The following DCLRE1A variants were observed in gnomAD, a reference collection of about 807,000 sequenced individuals.
The protein encoded by DCLRE1A is DNA cross-link repair 1A protein.
DCLRE1A carries 64 observed loss-of-function variants against 91.9 expected under a neutral mutation model. The observed-to-expected ratio is 0.70, with a 90% confidence interval of 0.57 to 0.86. The LOEUF (loss-of-function observed/expected upper bound fraction) is 0.86, where lower values mean the gene tolerates loss of function less well. Ranked by LOEUF, DCLRE1A falls within the 40% of genes least tolerant of loss-of-function variation. The pLI, the probability that DCLRE1A is intolerant of heterozygous loss-of-function variation, is 0.00. For missense variants in DCLRE1A, 1,145 were observed against 1,213.3 expected (o/e 0.94, Z 0.84); for synonymous variants, 416 against 431.1 (o/e 0.96, Z 0.43).
rs1259137622 is a variant in DCLRE1A, at chr10:113,834,968, T to G, written c.*184A>C. 1.7e-6 allele frequency: 1 copy of G among 586,808 alleles called. No homozygotes were observed. The highest frequency in any genetic ancestry group is 2.8e-6 in the Non-Finnish European group (1 of 355,192). 36.4% of individuals were successfully genotyped at this position (586,808 alleles called of 1,614,324 possible). Reference sequence around the variant, plus strand: ...CAGGGAGACCCAGTTTCAGTTATCCTTGATGATGCTGAGAGGCATTCAGCA... The same window carrying G: ...CAGGGAGACCCAGTTTCAGTTATCCGTGATGATGCTGAGAGGCATTCAGCA... On this transcript the variant is annotated 3_prime_UTR_variant, in exon 9 of 9. Coordinates refer to ENST00000361384, the MANE Select transcript of DCLRE1A (RefSeq NM_014881.5).
chr10:113,841,276 A>T (rs900757442), intron 7 of DCLRE1A, 130 bp downstream of exon 7: 4 of 1,061,562 alleles, frequency 3.8e-6, no homozygotes, highest in Non-Finnish European at 5.3e-6. Context: ...TTCCTCTTAA[A>T]AGATTGTCTA....
intron 8 of DCLRE1A, among the ~76,000 whole-genome samples, chr10:113,836,084 T>C (rs756938810): frequency 4.6e-5 from 7 of 152,164 alleles, no homozygotes; most frequent in African/African-American, 7.2e-5. Context: ...TTGCCTTCTG[T>C]CATGATTGTA....
At chr10:113,838,055 A>G (rs923428388) in intron 7 of DCLRE1A, among the ~76,000 whole-genome samples, 1 of 152,136 alleles carries the variant, frequency 6.6e-6, no homozygotes, top group East Asian at 1.9e-4. Flanking sequence ...ATCAAATAAG[A>G]GCCTTTTATT....
In DCLRE1A at chr10:113,845,727, C is replaced by T. The variant is rs779320731; in HGVS notation, c.2336G>A (p.Cys779Tyr). Residue 779 changes from cysteine to tyrosine, a missense_variant, in exon 4 of 9, where the codon TGT becomes TAT. Physicochemically the swap from Cys to Tyr is radical, Grantham distance 194. Transcript: ENST00000361384. Reference sequence around the variant, plus strand: ...AACAACTTTGACACCATTCACAATACATTCAGTGTCCAGTGGCAATGGGTG... The same window carrying T: ...AACAACTTTGACACCATTCACAATATATTCAGTGTCCAGTGGCAATGGGTG... ...YIHPLPLDTECIVNGVKVVLL... is the reference protein window; with the variant it reads ...YIHPLPLDTEYIVNGVKVVLL... The T allele has an allele frequency of 1.2e-6, 2 of 1,614,162 alleles. No homozygotes were observed. Among genetic ancestry groups the T allele is most frequent in the South Asian group, 2.2e-5 (2 of 91,086 alleles).
chr10:113,854,363 C>T (rs1420528574), upstream of DCLRE1A: 1 of 152,638 alleles, frequency 6.6e-6, no homozygotes, highest in Non-Finnish European at 1.5e-5. Flanking sequence ...CCTTTAGGGT[C>T]TTGGCGGGAA....
Position 113,849,524 on chromosome 10 carries a change from A to G in DCLRE1A, c.1581T>C (p.Ser527=). Residue 527 remains serine, a synonymous_variant, in exon 2 of 9, where the codon TCT becomes TCC. Transcript: ENST00000361384. The part of the protein sequence containing the change: ...KATILNTENL[S]STPAPKYLKI... ...TCAAATACTTCGGAGCAGGTGTACT[A>G]GACAAGTTTTCTGTATTTAAAATTG... The G allele has an allele frequency of 6.2e-7, 1 of 1,613,860 alleles. No individual in the cohort carries two copies. The highest frequency in any genetic ancestry group is 8.5e-7 in the Non-Finnish European group (1 of 1,180,008).
At chr10:113,836,773 C>T (rs1013458625) in intron 8 of DCLRE1A, among the ~76,000 whole-genome samples, 5 of 152,178 alleles carry the variant, frequency 3.3e-5, no homozygotes, top group Non-Finnish European at 7.3e-5. Context: ...TCTATACTTC[C>T]AGTATACAAC....
intron 8 of DCLRE1A, among the ~76,000 whole-genome samples, chr10:113,836,566 T>C (rs1275081703): frequency 6.6e-6 from 1 of 152,136 alleles, no homozygotes; most frequent in African/African-American, 2.4e-5. Context: ...ATTTTCAGTA[T>C]ACTAGGGTCT....
intron 1 of DCLRE1A, 63 bp from the exon 2 acceptor site, chr10:113,850,707 T>C: frequency 7.5e-7 from 1 of 1,333,678 alleles, no homozygotes. Context: ...TTGACAACAT[T>C]AGCAGTATAA....
chr10:113,852,016 T>C (rs1845657283), intron 1 of DCLRE1A, among the ~76,000 whole-genome samples: 1 of 152,166 alleles, frequency 6.6e-6, no homozygotes, highest in Non-Finnish European at 1.5e-5. Flanking sequence ...CCAGCCTATT[T>C]ATAATTTTCT....
chr10:113,846,518 T>G (rs1338123336), intron 3 of DCLRE1A, among the ~76,000 whole-genome samples: 1 of 152,184 alleles, frequency 6.6e-6, no homozygotes, highest in Non-Finnish European at 1.5e-5. Flanking sequence ...GTACTACTTC[T>G]ATTATGATAC....
chr10:113,841,460 G>T lies in DCLRE1A; in HGVS notation c.2766C>A (p.Thr922=), dbSNP rs370209719. 3 of 1,613,498 alleles carry T rather than the reference G, an allele frequency of 1.9e-6. No individual in the cohort carries two copies. Among genetic ancestry groups the T allele is most frequent in the Non-Finnish European group, 2.5e-6 (3 of 1,179,746 alleles). ...GGTGAACCAATGAACTGCACATGTCGGTAGTGATGAGTGAATTAATTTCTG... is the reference window on the plus strand; with the variant it reads ...GGTGAACCAATGAACTGCACATGTCTGTAGTGATGAGTGAATTAATTTCTG... ...NIPEINSLIT[T]DMCSSLVHLL... is the part of the protein sequence containing the mutation. Residue 922 remains threonine, a synonymous_variant, in exon 7 of 9, where the codon ACC becomes ACA. Coordinates refer to ENST00000361384, the MANE Select transcript of DCLRE1A (RefSeq NM_014881.5).
intron 6 of DCLRE1A, 25 bp from the exon 7 acceptor site, chr10:113,841,585 A>C: frequency 1.3e-6 from 2 of 1,581,020 alleles, no homozygotes; most frequent in South Asian, 2.4e-5. Flanking sequence ...AAAGATTAAA[A>C]ATAGTAAACT....
Position 113,849,547 on chromosome 10 carries a change from T to C in DCLRE1A, c.1558A>G (p.Ile520Val), listed in dbSNP as rs147445182. 8.1e-6 allele frequency: 13 copies of C among 1,613,790 alleles called. No homozygotes were observed. In the African/African-American group the frequency reaches 1.6e-4, roughly 20 times the overall value. ...LEGVPVGKAT[I>V]LNTENLSSTP... is the part of the protein sequence containing the mutation. ...CTAGACAAGTTTTCTGTATTTAAAATTGTAGCTTTACCAACTGGCACACCC... is the reference window on the plus strand; with the variant it reads ...CTAGACAAGTTTTCTGTATTTAAAACTGTAGCTTTACCAACTGGCACACCC... Residue 520 changes from isoleucine to valine, a missense_variant, in exon 2 of 9, where the codon ATT becomes GTT. Physicochemically the swap from Ile to Val is conservative, Grantham distance 29. Coordinates refer to ENST00000361384, the MANE Select transcript of DCLRE1A (RefSeq NM_014881.5).
rs776671421 is a variant in DCLRE1A, at chr10:113,850,661, G to GA, written c.461-18dup. On this transcript the variant is annotated splice_polypyrimidine_tract_variant and intron_variant, in intron 1 of 8. Transcript: ENST00000361384. ...CAGGACACTCTGAAATTTTAATAAA[G>GA]AAAAAATATTACACGATCAAAGCAT... 2 of 1,549,046 alleles carry GA rather than the reference G, an allele frequency of 1.3e-6. No homozygotes were observed. Among genetic ancestry groups the GA allele is most frequent in the Non-Finnish European group, 1.7e-6 (2 of 1,147,324 alleles).
In DCLRE1A at chr10:113,849,648, AT is replaced by A. The variant is rs1426689705; in HGVS notation, c.1456del (p.Ile486LeufsTer9). ...CAAGTTCTCACTTGATAATTTTCTAATTGTATTTTGGGTTGGTTGGGAAGAA... is the reference window on the plus strand; with the variant it reads ...CAAGTTCTCACTTGATAATTTTCTAATGTATTTTGGGTTGGTTGGGAAGAA... Reference protein sequence around the residue: ...YLSSQPTQNTIRKLSSENLNA... With the variant: ...YLSSQPTQNTXRKLSSENLNA... On this transcript the variant is annotated frameshift_variant, in exon 2 of 9. Coordinates refer to ENST00000361384, the MANE Select transcript of DCLRE1A (RefSeq NM_014881.5). LOFTEE classifies it high-confidence loss of function. 6.2e-7 allele frequency: 1 copy of A among 1,614,068 alleles called. No individual in the cohort carries two copies.
rs1845340203 is a variant in DCLRE1A, at chr10:113,834,922, G to A, written c.*230C>T. The A allele has an allele frequency of 2.5e-6, 1 of 398,784 alleles. No homozygotes were observed. The highest frequency in any genetic ancestry group is 5.2e-5 in the South Asian group (1 of 19,076). 24.7% of individuals were successfully genotyped at this position (398,784 alleles called of 1,614,324 possible). ...GAATATAACTGCCCATGGAGGGCAGGGGACAAGAAATTAAGGGTCCCAGGG... is the reference window on the plus strand; with the variant it reads ...GAATATAACTGCCCATGGAGGGCAGAGGACAAGAAATTAAGGGTCCCAGGG... On this transcript the variant is annotated 3_prime_UTR_variant, in exon 9 of 9. Coordinates refer to ENST00000361384, the MANE Select transcript of DCLRE1A (RefSeq NM_014881.5).
chr10:113,843,397 A>T (rs1009915927), intron 5 of DCLRE1A, among the ~76,000 whole-genome samples: 5 of 152,204 alleles, frequency 3.3e-5, no homozygotes, highest in African/African-American at 1.2e-4. Context: ...CTTAAAACTC[A>T]TATAGAAGAA....
chr10:113,837,661 T>C (rs983967608), intron 7 of DCLRE1A, among the ~76,000 whole-genome samples: 6 of 152,204 alleles, frequency 3.9e-5, no homozygotes, highest in African/African-American at 1.4e-4. Context: ...AACACAGAGA[T>C]ACATTTTACA....
Sources: gnomAD v4.1 joint callset for allele counts (sites outside exome capture counted in the v4.1 genomes callset) on GRCh38, gnomAD v4.1.1 for gene constraint, MANE v1.5 for transcripts, NCBI Gene and HGNC (gene_info 2026-07-23, HGNC 2026-07-21) for gene names.